MGAT4C: variants seen among roughly 807,000 people sequenced by gnomAD.
MGAT4C encodes the protein MGAT4 family member C.
MGAT4C carries 19 observed loss-of-function variants against 40.1 expected under a neutral mutation model. The ratio of observed to expected loss-of-function variants is 0.47; its 90% CI spans 0.33 to 0.70. The LOEUF is 0.70. MGAT4C is among the 30% of genes least tolerant of loss of function. The pLI is 0.02. For synonymous variants in MGAT4C, 181 were observed against 187.1 expected, an observed-to-expected ratio of 0.97 and a Z score of 0.27; for missense variants, 491 against 563.2, an observed-to-expected ratio of 0.87 and a Z score of 1.30.
At chr12:86,543,408 A>G (rs1959177922) in intron 2 of MGAT4C, among the ~76,000 whole-genome samples, 2 of 151,818 alleles carry the variant, frequency 1.3e-5, no homozygotes, top group Non-Finnish European at 1.5e-5. Context: ...GACAGTAAAA[A>G]TATATAAATT....
At chr12:86,513,530 T>C (rs1162735298) in intron 2 of MGAT4C, among the ~76,000 whole-genome samples, 1 of 152,120 alleles carries the variant, frequency 6.6e-6, no homozygotes, top group Non-Finnish European at 1.5e-5. Context: ...GCCATACATA[T>C]ATAATCCATT....
At chr12:86,177,923 T>G (rs1887646238) in intron 1 of MGAT4C, among the ~76,000 whole-genome samples, 2 of 152,234 alleles carry the variant, frequency 1.3e-5, no homozygotes, top group Middle Eastern at 3.4e-3. Context: ...CACTTACTAC[T>G]AATAATGTAG....
intron 2 of MGAT4C, among the ~76,000 whole-genome samples, chr12:86,589,047 A>G (rs1310752934): frequency 2.0e-5 from 3 of 150,682 alleles, no homozygotes; most frequent in Non-Finnish European, 4.5e-5. Context: ...AGAAATAACT[A>G]AAATCAGAGC....
At chr12:86,675,914 T>C (rs1181702406) in intron 2 of MGAT4C, among the ~76,000 whole-genome samples, 1 of 151,172 alleles carries the variant, frequency 6.6e-6, no homozygotes, top group Non-Finnish European at 1.5e-5. Context: ...TCTATCAAAT[T>C]AGGTCTTAGT....
At chr12:86,099,543 G>T (rs976636342) in intron 1 of MGAT4C, among the ~76,000 whole-genome samples, 7 of 151,338 alleles carry the variant, frequency 4.6e-5, no homozygotes, top group Admixed American at 1.3e-4. Flanking sequence ...GTGAGCAAAG[G>T]ATATAAACAG....
In MGAT4C at chr12:86,024,602, T is replaced by A. The variant is rs115145483; in HGVS notation, c.-7+25072A>T. On this transcript the variant is annotated intron_variant, in intron 2 of 4. Coordinates refer to ENST00000611864, the MANE Select transcript of MGAT4C (RefSeq NM_001351288.2). ...ACAAATCAGGCCACAAAACTGTACA[T>A]CATAGTGCATGAATGACAAGTAATT... is the stretch of plus-strand genomic sequence containing the variant. Among the ~76,000 whole-genome samples, 324 of 151,888 alleles carry A rather than the reference T, an allele frequency of 2.1e-3. 2 individuals are homozygous for A. The highest frequency in any genetic ancestry group is 0.01 in the Middle Eastern group (3 of 294).
intron 1 of MGAT4C, among the ~76,000 whole-genome samples, chr12:86,066,578 G>T (rs7486471): frequency 0.8 from 122,271 of 152,096 alleles, 49,823 homozygotes; most frequent in East Asian, 0.97. Context: ...GATTAAATAC[G>T]TATATGTATG....
At chr12:86,736,788 T>C (rs538826481) in intron 1 of MGAT4C, among the ~76,000 whole-genome samples, 11 of 151,968 alleles carry the variant, frequency 7.2e-5, no homozygotes, top group African/African-American at 2.4e-4. Flanking sequence ...TTACAAAAAC[T>C]GTCTCTTCAC....
rs139636632 is a variant in MGAT4C at position 86,617,056 on chromosome 12, G to C, written c.-229+110153C>G. On this transcript the variant is annotated intron_variant, in intron 2 of 7. Coordinates refer to the MGAT4C transcript ENST00000548651. Reference sequence around the variant, plus strand: ...GATTACATAACTACAGCAATGGACTGTATTTTAAAAATATTTACTATTCCC... The same window carrying C: ...GATTACATAACTACAGCAATGGACTCTATTTTAAAAATATTTACTATTCCC... Among the ~76,000 whole-genome samples, 150 of 152,224 alleles carry C rather than the reference G, an allele frequency of 9.9e-4. 2 individuals carry two copies. The highest frequency in any genetic ancestry group is 3.4e-3 in the African/African-American group (142 of 41,540).
At chr12:86,336,582 A>G (rs1471377282) in intron 3 of MGAT4C, among the ~76,000 whole-genome samples, 1 of 152,214 alleles carries the variant, frequency 6.6e-6, no homozygotes, top group Non-Finnish European at 1.5e-5. Flanking sequence ...GCCTGATAAA[A>G]GAGGAACAGA....
At chr12:86,826,086 A>C (rs2136231457) in intron 1 of MGAT4C, among the ~76,000 whole-genome samples, 1 of 151,450 alleles carries the variant, frequency 6.6e-6, no homozygotes, top group East Asian at 2.0e-4. Flanking sequence ...TCACATTATT[A>C]CTGCATCTAC....
chr12:86,220,672 AC>A (rs1405962634), intron 1 of MGAT4C, among the ~76,000 whole-genome samples: 1 of 152,094 alleles, frequency 6.6e-6, no homozygotes, highest in African/African-American at 2.4e-5. Context: ...TTAACAACCA[AC>A]CCTATGTGTG....
In MGAT4C at chr12:85,962,628, ATTGT is replaced by A. The variant is rs1480321785; in HGVS notation, c.*16657_*16660del. On this transcript the variant is annotated 3_prime_UTR_variant, in exon 5 of 5. Coordinates refer to ENST00000611864, the MANE Select transcript of MGAT4C (RefSeq NM_001351288.2). ...TTGAATGAAGGAGTGAAGGATGTAG[ATTGT>A]TTAAGTACATTCAACTTGTAATGAA... The A allele has an allele frequency of 1.3e-5, 2 of 150,988 alleles. No individual in the cohort carries two copies. Among genetic ancestry groups the A allele is most frequent in the African/African-American group, 4.8e-5 (2 of 41,332 alleles). The allele number at this position is 150,988 out of a possible 1,614,324, so 9.4% of individuals were successfully genotyped here. A position where few individuals can be genotyped will look rare whatever the true frequency, so the allele number is the denominator to read the frequency against.
At chr12:86,514,172 C>G (rs1459765463) in intron 2 of MGAT4C, among the ~76,000 whole-genome samples, 1 of 151,344 alleles carries the variant, frequency 6.6e-6, no homozygotes, top group Non-Finnish European at 1.5e-5. Context: ...AATCTCTGTC[C>G]AATTAGTAGC....
At chr12:86,563,624 C>G (rs1362518141) in intron 2 of MGAT4C, among the ~76,000 whole-genome samples, 2 of 152,160 alleles carry the variant, frequency 1.3e-5, no homozygotes, top group African/African-American at 2.4e-5. Flanking sequence ...TAATCTTTCT[C>G]CCATCCTTCC....
chr12:86,255,028 C>T (rs186582618), intron 1 of MGAT4C, among the ~76,000 whole-genome samples: 61 of 152,078 alleles, frequency 4.0e-4, no homozygotes, highest in Non-Finnish European at 8.2e-4. Flanking sequence ...TTTTAATTAT[C>T]AAAATTACTA....
At chr12:86,627,827 T>G (rs994192096) in intron 2 of MGAT4C, among the ~76,000 whole-genome samples, 1 of 150,532 alleles carries the variant, frequency 6.6e-6, no homozygotes, top group Non-Finnish European at 1.5e-5. Flanking sequence ...AAAACCAGAG[T>G]GCGCCTTCTC....
At position 85,968,201 on chromosome 12, in the gene MGAT4C, CCTT is replaced by C. The variant is rs926938937; in HGVS notation, c.*11085_*11087del. On this transcript the variant is annotated 3_prime_UTR_variant, in exon 5 of 5. Transcript: ENST00000611864. ...ACTGTGGAAAACTGATAGTTTTTCT[CCTT>C]CTTTCTTGAATATGTTTAGTTAATT... 1 of 151,914 alleles carries C rather than the reference CCTT, an allele frequency of 6.6e-6. No individual in the cohort carries two copies. Among genetic ancestry groups the C allele is most frequent in the African/African-American group, 2.4e-5 (1 of 41,400 alleles). The allele number at this position is 151,914 out of a possible 1,614,324, so 9.4% of individuals were successfully genotyped here.
chr12:86,061,407 G>T (rs1354759040), intron 1 of MGAT4C, among the ~76,000 whole-genome samples: 1 of 152,038 alleles, frequency 6.6e-6, no homozygotes, highest in Non-Finnish European at 1.5e-5. Context: ...CAGGGCCCTG[G>T]GTTTCAAGCA....
Sources: gnomAD v4.1 joint callset for allele counts (sites outside exome capture counted in the v4.1 genomes callset) on GRCh38, gnomAD v4.1.1 for gene constraint, MANE v1.5 for transcripts, NCBI Gene and HGNC (gene_info 2026-07-23, HGNC 2026-07-21) for gene names.